The following ADAM12 variants were observed in gnomAD, a reference collection of about 807,000 sequenced individuals.
ADAM12 encodes ADAM metallopeptidase domain 12.
In ADAM12, 70 loss-of-function variants were observed where a neutral mutation model predicts 106.4. The ratio of observed to expected loss-of-function variants is 0.66; its 90% CI spans 0.54 to 0.80. The LOEUF is 0.80. ADAM12 is among the 30% of genes least tolerant of loss of function. The pLI is 0.00. For missense variants in ADAM12, 1,010 were observed against 1,171.9 expected (o/e 0.86, Z 2.02); for synonymous variants, 420 against 433.5 (o/e 0.97, Z 0.39).
At chr10:126,082,363 G>GTTTTTT (rs5788763) in intron 11 of ADAM12, among the ~76,000 whole-genome samples, 4,270 of 80,726 alleles carry the variant, frequency 0.053, 775 homozygotes, top group Admixed American at 0.075. Flanking sequence ...TCTAATGACT[G>GTTTTTT]TTTTTTTTTT....
intron 14 of ADAM12, among the ~76,000 whole-genome samples, chr10:126,050,981 C>T (rs1171372974): frequency 6.6e-6 from 1 of 152,216 alleles, no homozygotes; most frequent in Non-Finnish European, 1.5e-5. Context: ...TAGCTCCTCA[C>T]ATCACATGCC....
At chr10:126,334,395 A>G (rs1481736341) in intron 1 of ADAM12, among the ~76,000 whole-genome samples, 1 of 152,166 alleles carries the variant, frequency 6.6e-6, no homozygotes, top group African/African-American at 2.4e-5. Flanking sequence ...GTAACCTGAT[A>G]CACTGCTTGC....
intron 5 of ADAM12, among the ~76,000 whole-genome samples, chr10:126,134,860 G>GT (rs1363543116): frequency 1.2e-4 from 19 of 152,240 alleles, no homozygotes; most frequent in African/African-American, 4.6e-4. Context: ...TTGGGCCAAA[G>GT]TTACCCAGGA....
chr10:126,249,490 G>T (rs966766844), intron 3 of ADAM12, among the ~76,000 whole-genome samples: 1 of 152,194 alleles, frequency 6.6e-6, no homozygotes. Flanking sequence ...ACGAGGTCAG[G>T]AGATCAAGAC....
At chr10:126,042,968 C>CAG in intron 18 of ADAM12, 72 bp downstream of exon 18, 1 of 1,448,672 alleles carries the variant, frequency 6.9e-7, no homozygotes, top group South Asian at 1.2e-5. Context: ...TGCACCCATG[C>CAG]TGACAGCTGG....
chr10:126,233,737 G>A (rs1786702697), intron 3 of ADAM12, among the ~76,000 whole-genome samples: 1 of 152,164 alleles, frequency 6.6e-6, no homozygotes, highest in African/African-American at 2.4e-5. Context: ...CTAATAAGGG[G>A]ACTCCCTCCA....
chr10:126,042,387 T>A, intron 18 of ADAM12: 1 of 1,030,408 alleles, frequency 9.7e-7, no homozygotes, highest in South Asian at 1.6e-5. Flanking sequence ...AAGAGCTTCT[T>A]GGGGGACAGG....
chr10:126,200,667 G>C (rs965881505), intron 3 of ADAM12, among the ~76,000 whole-genome samples: 1 of 152,150 alleles, frequency 6.6e-6, no homozygotes, highest in Non-Finnish European at 1.5e-5. Flanking sequence ...CTCCAGGAAC[G>C]TTAGCTATTT....
At chr10:126,193,904 G>GAAATGAAATAAAATAAAATAAAATA (rs1957549111) in intron 3 of ADAM12, among the ~76,000 whole-genome samples, 1 of 145,108 alleles carries the variant, frequency 6.9e-6, no homozygotes, top group African/African-American at 2.6e-5. Flanking sequence ...GAAATAAAAT[G>GAAATGAAATAAAATAAAATAAAATA]AAATAAAATA....
intron 18 of ADAM12, chr10:126,042,081 G>A (rs373581813): frequency 4.3e-5 from 68 of 1,595,916 alleles, no homozygotes; most frequent in African/African-American, 5.4e-5. Flanking sequence ...TTGGGGACGC[G>A]TGACCTCCTC....
intron 3 of ADAM12, among the ~76,000 whole-genome samples, chr10:126,208,715 C>T (rs1957842872): frequency 6.6e-6 from 1 of 152,166 alleles, no homozygotes; most frequent in Admixed American, 6.5e-5. Flanking sequence ...AGAAACAGAA[C>T]CATCTGGTAA....
rs114015113 is a variant in ADAM12, at chr10:126,085,039, G to T, written c.1145+8946C>A. The stretch of plus-strand genomic sequence containing the variant: ...AGTCTTATGCTCACAACTGCTTTTA[G>T]ATTTGATATTTTTGATCTCTCTCTT... On this transcript the variant is annotated intron_variant, in intron 11 of 22. Coordinates refer to ENST00000448723, the MANE Select transcript of ADAM12 (RefSeq NM_001288973.2). Among the ~76,000 whole-genome samples, 1,264 of 152,308 alleles carry T rather than the reference G, an allele frequency of 8.3e-3. 24 individuals carry two copies. Among genetic ancestry groups the T allele is most frequent in the African/African-American group, 0.028 (1,179 of 41,560 alleles).
intron 14 of ADAM12, among the ~76,000 whole-genome samples, chr10:126,052,980 T>C (rs1206460487): frequency 6.6e-6 from 1 of 152,076 alleles, no homozygotes; most frequent in African/African-American, 2.4e-5. Flanking sequence ...ATGTTGGAGG[T>C]AGGACCTGGT....
chr10:126,340,034 T>C (rs1023547547), intron 1 of ADAM12, among the ~76,000 whole-genome samples: 1 of 151,960 alleles, frequency 6.6e-6, no homozygotes, highest in Non-Finnish European at 1.5e-5. Context: ...TTTGTATTTT[T>C]AGTAGAGATG....
At chr10:126,030,579 CAAAT>C (rs879454242) in intron 21 of ADAM12, among the ~76,000 whole-genome samples, 35 of 152,148 alleles carry the variant, frequency 2.3e-4, no homozygotes, top group African/African-American at 3.9e-4. Context: ...TTTATAGTAA[CAAAT>C]AAGTGGGAAA....
chr10:126,230,643 T>C (rs1184453188), intron 3 of ADAM12, among the ~76,000 whole-genome samples: 1 of 152,226 alleles, frequency 6.6e-6, no homozygotes, highest in Non-Finnish European at 1.5e-5. Flanking sequence ...TATAAATCAA[T>C]TGGAATGTTT....
At chr10:126,105,944 G>A (rs1037787611) in intron 8 of ADAM12, among the ~76,000 whole-genome samples, 4 of 152,230 alleles carry the variant, frequency 2.6e-5, no homozygotes, top group Non-Finnish European at 5.9e-5. Flanking sequence ...GGATATCAAC[G>A]GCCATGTGGG....
intron 3 of ADAM12, among the ~76,000 whole-genome samples, chr10:126,178,103 C>G (rs894616974): frequency 3.3e-5 from 5 of 152,034 alleles, no homozygotes; most frequent in African/African-American, 1.2e-4. Flanking sequence ...GTGTCAATAT[C>G]TTAGCATCTA....
intron 1 of ADAM12, among the ~76,000 whole-genome samples, chr10:126,383,368 G>A (rs1367734026): frequency 1.3e-5 from 2 of 152,122 alleles, no homozygotes; most frequent in Non-Finnish European, 2.9e-5. Flanking sequence ...ATTAAAGGAT[G>A]TTTTCAGGAG....
Sources: gnomAD v4.1 joint callset for allele counts (sites outside exome capture counted in the v4.1 genomes callset) on GRCh38, gnomAD v4.1.1 for gene constraint, MANE v1.5 for transcripts, NCBI Gene and HGNC (gene_info 2026-07-23, HGNC 2026-07-21) for gene names.